The following OXCT1 variants were observed in gnomAD, a reference collection of about 807,000 sequenced individuals.
The protein encoded by OXCT1 is 3-oxoacid CoA-transferase 1.
In OXCT1, 27 loss-of-function variants were observed where a neutral mutation model predicts 69.6. The observed-to-expected ratio is 0.39, with a 90% CI of 0.29 to 0.54. The LOEUF is 0.54. Among genes scored for constraint, OXCT1 ranks in the 20% least tolerant of loss-of-function variants. The probability of loss-of-function intolerance (pLI) is 0.72; values close to 1 mark genes in which losing one functional copy is unlikely to be tolerated. For synonymous variants in OXCT1, 202 were observed against 217.8 expected (o/e 0.93, Z 0.64); for missense variants, 437 against 650.2 (o/e 0.67, Z 3.57).
At chr5:41,801,174 C>T in intron 10 of OXCT1, 104 bp from the exon 11 acceptor site, 2 of 900,362 alleles carry the variant, frequency 2.2e-6, no homozygotes, top group East Asian at 5.2e-5. Context: ...ATAAATTTAT[C>T]ATCCGAAGAC....
chr5:41,823,961 G>A (rs1489882291), intron 7 of OXCT1, among the ~76,000 whole-genome samples: 1 of 151,904 alleles, frequency 6.6e-6, no homozygotes, highest in Non-Finnish European at 1.5e-5. Context: ...ATTATCCTGG[G>A]GCTACACTAA....
At chr5:41,867,007 G>A (rs2011622912) in intron 1 of OXCT1, among the ~76,000 whole-genome samples, 1 of 152,240 alleles carries the variant, frequency 6.6e-6, no homozygotes, top group South Asian at 2.1e-4. Flanking sequence ...ATGAAGATGA[G>A]GCTGGAGAAG....
chr5:41,731,711 G>A lies in OXCT1; in HGVS notation c.*18C>T, dbSNP rs747894173. The A allele has an allele frequency of 6.2e-7, 1 of 1,602,326 alleles. No homozygotes were observed. The highest frequency in any genetic ancestry group is 1.7e-5 in the Admixed American group (1 of 58,900). On this transcript the variant is annotated 3_prime_UTR_variant, in exon 17 of 17. Transcript: ENST00000196371. ...GTTTAAAATGAAAAACACGCAGCCTGGTACAAATATCCATATTTCAATTTG... is the reference window on the plus strand; with the variant it reads ...GTTTAAAATGAAAAACACGCAGCCTAGTACAAATATCCATATTTCAATTTG...
At chr5:41,863,238 C>G (rs1749823532) in intron 1 of OXCT1, among the ~76,000 whole-genome samples, 1 of 152,082 alleles carries the variant, frequency 6.6e-6, no homozygotes, top group Non-Finnish European at 1.5e-5. Context: ...ACATATTCCC[C>G]TTGGATAAGG....
Position 41,853,443 on chromosome 5 carries a change from T to C in OXCT1, c.390A>G (p.Glu130=), listed in dbSNP as rs369908358. The change falls in exon 4 of 17, where the codon GAA becomes GAG. Residue 130 remains glutamate (E), a synonymous_variant. Coordinates refer to ENST00000196371, the MANE Select transcript of OXCT1 (RefSeq NM_000436.4). ...CCTGTGGTGTCAGCTCCACTTCTAA[T>C]TCACCAGATAAGTACTGTCGTTCAA... ...AEFERQYLSG[E]LEVELTPQGT... is the part of the protein sequence containing the mutation. 1 of 1,613,770 alleles carries C rather than the reference T, an allele frequency of 6.2e-7. No homozygotes were observed. Among genetic ancestry groups the C allele is most frequent in the Non-Finnish European group, 8.5e-7 (1 of 1,179,826 alleles).
At chr5:41,806,722 C>T (rs557891074) in intron 8 of OXCT1, among the ~76,000 whole-genome samples, 2 of 152,192 alleles carry the variant, frequency 1.3e-5, no homozygotes, top group South Asian at 2.1e-4. Context: ...CCATGCTTCA[C>T]GTATAGCCCA....
intron 5 of OXCT1, among the ~76,000 whole-genome samples, chr5:41,845,312 T>G (rs1748844135): frequency 6.6e-6 from 1 of 152,198 alleles, no homozygotes; most frequent in Non-Finnish European, 1.5e-5. Flanking sequence ...AAGCTCTCCC[T>G]GGCCACCAGT....
At chr5:41,836,699 A>G (rs1748380108) in intron 7 of OXCT1, among the ~76,000 whole-genome samples, 1 of 151,936 alleles carries the variant, frequency 6.6e-6, no homozygotes, top group Admixed American at 6.6e-5. Context: ...CAGGGTTCCC[A>G]CTCCTATGAG....
intron 13 of OXCT1, among the ~76,000 whole-genome samples, chr5:41,782,515 T>C (rs1341900581): frequency 1.3e-5 from 2 of 152,134 alleles, no homozygotes; most frequent in African/African-American, 4.8e-5. Context: ...CCCCAGGAGC[T>C]TTTTTTCCTA....
chr5:41,772,534 T>C (rs1744924356), intron 13 of OXCT1, among the ~76,000 whole-genome samples: 1 of 152,130 alleles, frequency 6.6e-6, no homozygotes, highest in Non-Finnish European at 1.5e-5. Context: ...GTATAATAAA[T>C]GTACGTGCCC....
At chr5:41,852,029 C>T (rs1230982269) in intron 4 of OXCT1, among the ~76,000 whole-genome samples, 1 of 152,012 alleles carries the variant, frequency 6.6e-6, no homozygotes, top group Non-Finnish European at 1.5e-5. Context: ...GAAGAGACAC[C>T]CAGAGAGTGA....
At chr5:41,764,754 A>G (rs1314417446) in intron 13 of OXCT1, among the ~76,000 whole-genome samples, 2 of 152,198 alleles carry the variant, frequency 1.3e-5, no homozygotes, top group African/African-American at 4.8e-5. Context: ...CAACAAAGGT[A>G]TAACACTGAG....
intron 13 of OXCT1, among the ~76,000 whole-genome samples, chr5:41,766,568 C>CAAAAAAAAAAAA (rs35725846): frequency 1.7e-5 from 2 of 120,024 alleles, no homozygotes; most frequent in African/African-American, 3.1e-5. Flanking sequence ...CATTGTACTC[C>CAAAAAAAAAAAA]AAAAAAAAAA....
At chr5:41,740,367 CAT>C (rs545180750) in intron 15 of OXCT1, among the ~76,000 whole-genome samples, 1 of 152,158 alleles carries the variant, frequency 6.6e-6, no homozygotes, top group Non-Finnish European at 1.5e-5. Context: ...TCCTGTAAAA[CAT>C]ATAGTCTCAA....
intron 11 of OXCT1, among the ~76,000 whole-genome samples, chr5:41,799,018 A>C (rs2112248701): frequency 6.6e-6 from 1 of 152,334 alleles, no homozygotes; most frequent in South Asian, 2.1e-4. Flanking sequence ...GGTATAATAC[A>C]TGTGAAAAAG....
At chr5:41,847,028 G>T (rs907164886) in intron 5 of OXCT1, among the ~76,000 whole-genome samples, 3 of 151,840 alleles carry the variant, frequency 2.0e-5, no homozygotes, top group African/African-American at 4.8e-5. Context: ...CTGATAGACC[G>T]CTAGCAAGAC....
At chr5:41,815,790 A>G (rs2329815) in intron 7 of OXCT1, among the ~76,000 whole-genome samples, 2,157 of 152,284 alleles carry the variant, frequency 0.014, 99 homozygotes, top group South Asian at 0.079. Flanking sequence ...AACAAGGAAC[A>G]TTTTTCAGTG....
In OXCT1 at chr5:41,835,226, G is replaced by T. The variant is rs541574060; in HGVS notation, c.732+5225C>A. 2.6e-5 allele frequency among the ~76,000 whole-genome samples: 4 copies of T among 152,216 alleles called. No homozygotes were observed. The East Asian group carries it at 7.7e-4, about 29-fold the overall frequency. ...TGCCAATAAATTGGAAAATCTAGAA[G>T]AAATGAATAAATTCCTAGACATATA... On this transcript the variant is annotated intron_variant, in intron 7 of 16. Transcript: ENST00000196371.
At position 41,801,064 on chromosome 5, in the gene OXCT1, A is replaced by G. The variant is rs1207874741; in HGVS notation, c.1057T>C (p.Tyr353His). 1 of 1,610,454 alleles carries G rather than the reference A, an allele frequency of 6.2e-7. No individual in the cohort carries two copies. The highest frequency in any genetic ancestry group is 8.5e-7 in the Non-Finnish European group (1 of 1,176,914). ...GCATCAGCTTCATGTTGTCGTGGAT[A>G]TGGACCCTGTCAAATACAACATACA... ...SENGVLGLGP[Y>H]PRQHEADADL... The change falls in exon 11 of 17, where the codon TAT (tyrosine) becomes CAT (histidine). Residue 353 changes from tyrosine (Y) to histidine (H), a missense_variant. By Grantham distance (83) the Tyr-to-His change is moderately conservative. Coordinates refer to ENST00000196371, the MANE Select transcript of OXCT1 (RefSeq NM_000436.4).
Sources: allele counts gnomAD v4.1 joint callset (sites outside exome capture counted in the v4.1 genomes callset), GRCh38; gene constraint gnomAD v4.1.1; transcripts MANE v1.5; gene names NCBI Gene and HGNC (gene_info 2026-07-23, HGNC 2026-07-21).